Variants in CYTH3 observed in about 807,000 individuals in gnomAD.
The protein encoded by CYTH3 is cytohesin 3.
CYTH3 carries 23 observed loss-of-function variants against 55.1 expected under a neutral mutation model. The observed-to-expected ratio is 0.42, with a 90% confidence interval of 0.30 to 0.59. CYTH3 has a LOEUF of 0.59. Among genes scored for constraint, CYTH3 ranks in the 20% least tolerant of loss-of-function variants. The pLI is 0.20. For synonymous variants in CYTH3, 249 were observed against 194.9 expected (o/e 1.28, Z -2.31); for missense variants, 413 against 524.8 (o/e 0.79, Z 2.08).
intron 1 of CYTH3, among the ~76,000 whole-genome samples, chr7:6,222,933 A>C (rs775474035): frequency 1.3e-5 from 2 of 152,260 alleles, no homozygotes; most frequent in Non-Finnish European, 2.9e-5. Flanking sequence ...TGGCCTGCTC[A>C]TAATAGTCAA....
At chr7:6,269,251 C>A (rs967446173) in intron 1 of CYTH3, among the ~76,000 whole-genome samples, 2 of 152,196 alleles carry the variant, frequency 1.3e-5, no homozygotes, top group African/African-American at 4.8e-5. Flanking sequence ...TACACTCTTA[C>A]CCGTAAATGT....
intron 1 of CYTH3, among the ~76,000 whole-genome samples, chr7:6,199,531 A>G (rs1295123150): frequency 6.6e-6 from 1 of 152,164 alleles, no homozygotes; most frequent in Non-Finnish European, 1.5e-5. Context: ...AAAATTCTAC[A>G]CCCTGCAAAA....
intron 5 of CYTH3, 33 bp from the exon 6 acceptor site, chr7:6,173,766 T>G (rs758432130): frequency 8.9e-6 from 11 of 1,237,154 alleles, no homozygotes; most frequent in African/African-American, 1.5e-5. Flanking sequence ...TCAAACCTAA[T>G]GTACATTATC....
rs771506128 is a variant in CYTH3, at chr7:6,171,005, C to T, written c.563-27G>A. Reference sequence around the variant, plus strand: ...TGCAACGAGTCCGGGGTGCTGGGCTCAGCCAGAACCTCCAGTGGACAGTGG... The same window carrying T: ...TGCAACGAGTCCGGGGTGCTGGGCTTAGCCAGAACCTCCAGTGGACAGTGG... On this transcript the variant is annotated intron_variant, in intron 7 of 12. Transcript: ENST00000350796. This position sits in a 1 kb window ranked among gnomAD's most constrained non-coding sequence, Gnocchi z 6.7. 6.2e-7 allele frequency: 1 copy of T among 1,612,584 alleles called. No individual in the cohort carries two copies. Among genetic ancestry groups the T allele is most frequent in the South Asian group, 1.1e-5 (1 of 91,010 alleles).
intron 1 of CYTH3, among the ~76,000 whole-genome samples, chr7:6,271,556 T>C (rs1050599913): frequency 6.6e-6 from 1 of 152,046 alleles, no homozygotes; most frequent in African/African-American, 2.4e-5. Context: ...AACCCTTTGC[T>C]TTCCAAAGCG....
Position 6,171,337 on chromosome 7 carries a change from G to A in CYTH3, c.450-23C>T. ...TGCCTGTGGAGACACCAAAGCCATG[G>A]GAAGCCGCATCAGAACCAACACCGC... On this transcript the variant is annotated intron_variant, in intron 6 of 12. Coordinates refer to ENST00000350796, the MANE Select transcript of CYTH3 (RefSeq NM_004227.4). The surrounding 1 kb of genome is among the most constrained non-coding windows in gnomAD (Gnocchi z 6.7). 1 of 1,611,662 alleles carries A rather than the reference G, an allele frequency of 6.2e-7. No individual in the cohort carries two copies. The highest frequency in any genetic ancestry group is 8.5e-7 in the Non-Finnish European group (1 of 1,177,940).
intron 4 of CYTH3, among the ~76,000 whole-genome samples, chr7:6,178,947 G>A (rs1265077861): frequency 6.6e-6 from 1 of 152,178 alleles, no homozygotes; most frequent in East Asian, 1.9e-4. Flanking sequence ...AGGGTGGCAA[G>A]GGAATAGGGA....
intron 1 of CYTH3, among the ~76,000 whole-genome samples, chr7:6,197,333 T>C (rs58466335): frequency 0.19 from 29,324 of 152,118 alleles, 5,968 homozygotes; most frequent in African/African-American, 0.52. Flanking sequence ...GAGATTCATG[T>C]CATAGTATAT....
chr7:6,265,016 G>A (rs568195333), intron 1 of CYTH3, among the ~76,000 whole-genome samples: 2 of 152,320 alleles, frequency 1.3e-5, no homozygotes, highest in South Asian at 4.1e-4. Context: ...AATGAAGCAA[G>A]GATACACCAC....
At chr7:6,191,592 T>TTC (rs1783806123) in intron 1 of CYTH3, among the ~76,000 whole-genome samples, 2 of 83,520 alleles carry the variant, frequency 2.4e-5, no homozygotes, top group Non-Finnish European at 5.0e-5. Flanking sequence ...AGGGAAGGAC[T>TTC]TTTTTTTTTT....
At chr7:6,259,770 TA>T (rs1396523702) in intron 1 of CYTH3, among the ~76,000 whole-genome samples, 24 of 22,686 alleles carry the variant, frequency 1.1e-3, no homozygotes, top group Non-Finnish European at 1.2e-3. Context: ...TATATATATA[TA>T]TTATATATAT....
At chr7:6,206,340 C>G (rs1784187504) in intron 1 of CYTH3, among the ~76,000 whole-genome samples, 1 of 152,204 alleles carries the variant, frequency 6.6e-6, no homozygotes, top group African/African-American at 2.4e-5. Context: ...GTGAAATGAG[C>G]CAGCCACAGA....
intron 1 of CYTH3, among the ~76,000 whole-genome samples, chr7:6,246,682 C>G (rs1226027436): frequency 6.6e-6 from 1 of 151,654 alleles, no homozygotes; most frequent in African/African-American, 2.4e-5. Flanking sequence ...GCCCCACCCC[C>G]ACCTACTTCT....
chr7:6,246,684 C>T (rs2115042516), intron 1 of CYTH3, among the ~76,000 whole-genome samples: 1 of 151,186 alleles, frequency 6.6e-6, no homozygotes, highest in African/African-American at 2.4e-5. Flanking sequence ...CCCACCCCCA[C>T]CTACTTCTCA....
intron 1 of CYTH3, among the ~76,000 whole-genome samples, chr7:6,269,972 A>T (rs1780609787): frequency 1.3e-5 from 2 of 152,230 alleles, no homozygotes; most frequent in Admixed American, 6.5e-5. Context: ...ACTCCCCCAG[A>T]TACAGTTCAA....
At chr7:6,228,656 G>C (rs1231361548) in intron 1 of CYTH3, among the ~76,000 whole-genome samples, 1 of 152,140 alleles carries the variant, frequency 6.6e-6, no homozygotes, top group Non-Finnish European at 1.5e-5. Flanking sequence ...TTCGCTTCTG[G>C]AAATCCGGGC....
intron 4 of CYTH3, among the ~76,000 whole-genome samples, chr7:6,179,651 A>G (rs1290791561): frequency 1.3e-5 from 1 of 77,964 alleles, no homozygotes; most frequent in Admixed American, 1.5e-4. Context: ...CACACCCCAC[A>G]CCCCACACAC....
chr7:6,272,569 G>T lies in CYTH3; in HGVS notation c.-62C>A, dbSNP rs1780696585. 2.6e-6 allele frequency: 3 copies of T among 1,174,034 alleles called. No individual in the cohort carries two copies. Among genetic ancestry groups the T allele is most frequent in the South Asian group, 4.8e-5 (2 of 41,760 alleles). 72.7% of individuals were successfully genotyped at this position (1,174,034 alleles called of 1,614,324 possible). ...GGCAGCAGAGGGGCCGCGGGCTGGGGACGCCGCCGGAGGGAGCGCGCAGGC... is the reference window on the plus strand; with the variant it reads ...GGCAGCAGAGGGGCCGCGGGCTGGGTACGCCGCCGGAGGGAGCGCGCAGGC... On this transcript the variant is annotated 5_prime_UTR_variant, in exon 1 of 13. Transcript: ENST00000350796.
At position 6,165,553 on chromosome 7, in the gene CYTH3, G is replaced by A. The variant is rs760840529; in HGVS notation, c.964C>T (p.Arg322Trp). ...CAGGAGGAAGAGCTTACGGGTTTCC[G>A]GGGGTCCTCCACCTCCCTGATGCTG... ...NLSIREVEDP[R>W]KPNCFELYNP... is the part of the protein sequence containing the mutation. The change falls in exon 11 of 13, where the codon CGG becomes TGG. Residue 322 changes from arginine (R) to tryptophan (W), a missense_variant. By Grantham distance (101) the Arg-to-Trp change is moderately radical. Transcript: ENST00000350796. 1.1e-5 allele frequency: 17 copies of A among 1,613,774 alleles called. No individual in the cohort carries two copies. Among genetic ancestry groups the A allele is most frequent in the East Asian group, 8.9e-5 (4 of 44,886 alleles).
Sources: gnomAD v4.1 joint callset for allele counts (sites outside exome capture counted in the v4.1 genomes callset) on GRCh38, gnomAD v4.1.1 for gene constraint, Gnocchi (gnomAD v3.1) non-coding constraint, MANE v1.5 for transcripts, NCBI Gene and HGNC (gene_info 2026-07-23, HGNC 2026-07-21) for gene names.